The following RAB29 variants were observed in gnomAD, a reference collection of about 807,000 sequenced individuals.
RAB29 encodes the protein RAB29, member RAS oncogene family, also known as ras-related protein Rab-29.
RAB29 carries 13 observed loss-of-function variants against 25.5 expected under a neutral mutation model. The observed-to-expected ratio is 0.51, with a 90% CI of 0.33 to 0.81. The LOEUF (loss-of-function observed/expected upper bound fraction) is 0.81. Ranked by LOEUF, RAB29 falls within the 30% of genes least tolerant of loss-of-function variation. The pLI is 0.02. For synonymous variants in RAB29, 88 were observed against 95.0 expected (o/e 0.93, Z 0.43); for missense variants, 201 against 254.9 (o/e 0.79, Z 1.44).
chr1:205,772,913 G>A (rs1334854489), intron 2 of RAB29, among the ~76,000 whole-genome samples: 1 of 152,066 alleles, frequency 6.6e-6, no homozygotes. Flanking sequence ...TCTCAGGGAA[G>A]GGGTGATGGG....
Position 205,774,970 on chromosome 1 carries a change from T to C in RAB29, c.-14A>G. 6.2e-7 allele frequency: 1 copy of C among 1,613,230 alleles called. No individual in the cohort carries two copies. Among genetic ancestry groups the C allele is most frequent in the South Asian group, 1.1e-5 (1 of 91,072 alleles). ...GCGGCTGCCCATGGCTAGCGGGGTG[T>C]GCGTTTTAGGGAGGCGGGAAGTGTG... On this transcript the variant is annotated 5_prime_UTR_variant, in exon 2 of 6. Coordinates refer to ENST00000367139, the MANE Select transcript of RAB29 (RefSeq NM_003929.3).
chr1:205,771,659 G>C lies in RAB29; in HGVS notation c.197-6C>G. 1 of 1,613,306 alleles carries C rather than the reference G, an allele frequency of 6.2e-7. No homozygotes were observed. Among genetic ancestry groups the C allele is most frequent in the South Asian group, 1.1e-5 (1 of 91,062 alleles). On this transcript the variant is annotated splice_polypyrimidine_tract_variant and splice_region_variant and intron_variant, in intron 3 of 5. Transcript: ENST00000367139. ...AGAGGTGAAGCGCTCCTGCCCTGGGGAGAAAGGGGAGAGTTCTCAAGGTGA... is the reference window on the plus strand; with the variant it reads ...AGAGGTGAAGCGCTCCTGCCCTGGGCAGAAAGGGGAGAGTTCTCAAGGTGA...
chr1:205,772,135 T>G (rs1655061347), intron 3 of RAB29, among the ~76,000 whole-genome samples: 1 of 152,164 alleles, frequency 6.6e-6, no homozygotes, highest in African/African-American at 2.4e-5. Flanking sequence ...AGAAGAATGC[T>G]TGGCACATAG....
rs775933665 is a variant in RAB29 at position 205,771,516 on chromosome 1, G to C, written c.334C>G (p.Leu112Val). ...WKQDLDSKLT[L>V]PNGEPVPCLL... ...CAGGGCACCGGCTCTCCATTGGGTA[G>C]TGTGAGCTTGCTGTCTAGGTCCTGT... Residue 112 changes from leucine to valine, a missense_variant, in exon 4 of 6, where the codon CTA (leucine) becomes GTA (valine). Physicochemically the swap from Leu to Val is conservative, Grantham distance 32. Coordinates refer to ENST00000367139, the MANE Select transcript of RAB29 (RefSeq NM_003929.3). 1 of 1,614,224 alleles carries C rather than the reference G, an allele frequency of 6.2e-7. No individual in the cohort carries two copies. The highest frequency in any genetic ancestry group is 1.7e-5 in the Admixed American group (1 of 60,038).
At position 205,768,407 on chromosome 1, in the gene RAB29, AT is replaced by A. The variant is rs1654816407; in HGVS notation, c.*1934del. Reference sequence around the variant, plus strand: ...TGTATCTTTACAAAGTTCTCCAGCAATGGTTTCCAAACCAGGCTTATCACAA... The same window carrying A: ...TGTATCTTTACAAAGTTCTCCAGCAAGGTTTCCAAACCAGGCTTATCACAA... On this transcript the variant is annotated 3_prime_UTR_variant, in exon 6 of 6. Transcript: ENST00000367139. 1.3e-5 allele frequency: 2 copies of A among 152,222 alleles called. No homozygotes were observed. Among genetic ancestry groups the A allele is most frequent in the Admixed American group, 1.3e-4 (2 of 15,284 alleles). 9.4% of individuals were successfully genotyped at this position (152,222 alleles called of 1,614,324 possible).
At position 205,771,583 on chromosome 1, in the gene RAB29, G is replaced by A. The variant is rs766460493; in HGVS notation, c.267C>T (p.Asp89=). Residue 89 remains aspartate, a synonymous_variant, in exon 4 of 6, where the codon GAC becomes GAT. Coordinates refer to ENST00000367139, the MANE Select transcript of RAB29 (RefSeq NM_003929.3). Reference sequence around the variant, plus strand: ...TGCTGAAGGTAGTGGCATTGGTAACGTCAAACATAATAACACAGGCAGAGG... The same window carrying A: ...TGCTGAAGGTAGTGGCATTGGTAACATCAAACATAATAACACAGGCAGAGG... ...RDASACVIMF[D]VTNATTFSNS... is the part of the protein sequence containing the mutation. The A allele has an allele frequency of 2.1e-5, 34 of 1,613,864 alleles. No individual in the cohort carries two copies. Among genetic ancestry groups the A allele is most frequent in the Middle Eastern group, 1.6e-4 (1 of 6,084 alleles).
rs1213064771 is a variant in RAB29 at position 205,770,448 on chromosome 1, A to C, written c.506T>G (p.Leu169Arg). The C allele has an allele frequency of 6.2e-7, 1 of 1,613,668 alleles. No homozygotes were observed. Among genetic ancestry groups the C allele is most frequent in the Admixed American group, 1.7e-5 (1 of 60,034 alleles). ...NKNINEAMRVLIEKMMRNSTE... is the reference protein window; with the variant it reads ...NKNINEAMRVRIEKMMRNSTE... ...GGAATTTCTCATCATCTTTTCAATG[A>C]GGACTCTAAAAGACAAAAAATAAGC... is the stretch of plus-strand genomic sequence containing the variant. Residue 169 changes from leucine (L) to arginine (R), a missense_variant, in exon 6 of 6, where the codon CTC becomes CGC. Physicochemically the swap from Leu to Arg is moderately radical, Grantham distance 102 (BLOSUM62 -2). Coordinates refer to ENST00000367139, the MANE Select transcript of RAB29 (RefSeq NM_003929.3).
chr1:205,770,697 G>C, intron 5 of RAB29, 36 bp downstream of exon 5: 8 of 1,613,400 alleles, frequency 5.0e-6, no homozygotes, highest in Non-Finnish European at 6.8e-6. Context: ...GTGGAAGATG[G>C]ATACATCTGC....
Position 205,773,077 on chromosome 1 carries a change from G to A in RAB29, c.125-510C>T, listed in dbSNP as rs117726199. On this transcript the variant is annotated intron_variant, in intron 2 of 5. Transcript: ENST00000367139. Reference sequence around the variant, plus strand: ...TGCAGGTATTATCTTGGGCAAGAATGGAATAAATGGAAAAGGTCCCAGAGG... The same window carrying A: ...TGCAGGTATTATCTTGGGCAAGAATAGAATAAATGGAAAAGGTCCCAGAGG... Among the ~76,000 whole-genome samples the A allele has an allele frequency of 3.1e-4, 47 of 152,276 alleles. No homozygotes were observed. In the East Asian group the frequency reaches 8.9e-3, roughly 29 times the overall value.
intron 2 of RAB29, among the ~76,000 whole-genome samples, chr1:205,774,440 A>G (rs1655192734): frequency 6.6e-6 from 1 of 152,162 alleles, no homozygotes; most frequent in South Asian, 2.1e-4. Context: ...GCACCTAACC[A>G]GGAGGCCCCA....
chr1:205,774,809 C>CCCCCCCCCCCCCCCCCCGGG, intron 2 of RAB29, 24 bp downstream of exon 2: 1 of 1,522,338 alleles, frequency 6.6e-7, no homozygotes, highest in Non-Finnish European at 8.9e-7. Context: ...CCCCCTCCCC[C>CCCCCCCCCCCCCCCCCCGGG]TCCCCACCCC....
At chr1:205,774,772 T>C (rs1447777302) in intron 2 of RAB29, 61 bp downstream of exon 2, 4 of 1,528,936 alleles carry the variant, frequency 2.6e-6, no homozygotes, top group African/African-American at 1.4e-5. Flanking sequence ...GGTCCCCAGC[T>C]CGAGTCCGCG....
intron 2 of RAB29, among the ~76,000 whole-genome samples, chr1:205,774,192 G>C (rs1036842535): frequency 6.6e-6 from 1 of 152,216 alleles, no homozygotes; most frequent in Non-Finnish European, 1.5e-5. Context: ...AGAATTCCTT[G>C]GTTACCTTTA....
Position 205,772,525 on chromosome 1 carries a change from A to G in RAB29, c.167T>C (p.Ile56Thr). The change falls in exon 3 of 6, where the codon ATA becomes ACA. Residue 56 changes from isoleucine (I) to threonine (T), a missense_variant. Coordinates refer to ENST00000367139, the MANE Select transcript of RAB29 (RefSeq NM_003929.3). ...LKVLQWSDYE[I>T]VRLQLWDIAG... ...AATATCCCACAGCTGAAGCCGCACT[A>G]TCTCGTAGTCAGACCACTGGAGAAC... is the stretch of plus-strand genomic sequence containing the variant. 1 of 1,613,940 alleles carries G rather than the reference A, an allele frequency of 6.2e-7. No individual in the cohort carries two copies. Among genetic ancestry groups the G allele is most frequent in the Non-Finnish European group, 8.5e-7 (1 of 1,179,948 alleles).
intron 2 of RAB29, among the ~76,000 whole-genome samples, chr1:205,773,482 A>C (rs1236052143): frequency 6.6e-6 from 1 of 152,134 alleles, no homozygotes; most frequent in African/African-American, 2.4e-5. Context: ...AGAGTGTCTG[A>C]AACTTTGAAC....
In RAB29 at chr1:205,769,426, ATTCTTTT is replaced by A. The variant is rs1445029047; in HGVS notation, c.*909_*915del. On this transcript the variant is annotated 3_prime_UTR_variant, in exon 6 of 6. Transcript: ENST00000367139. ...TGAGATAGGTAGTTTAAAAATGACT[ATTCTTTT>A]TTCTTTTTTTTTTGAGACGGAGTCC... is the stretch of plus-strand genomic sequence containing the variant. The A allele has an allele frequency of 6.6e-6, 1 of 151,836 alleles. No individual in the cohort carries two copies. The highest frequency in any genetic ancestry group is 1.5e-5 in the Non-Finnish European group (1 of 67,942). The allele number at this position is 151,836 out of a possible 1,614,324, so 9.4% of individuals were successfully genotyped here.
At chr1:205,773,908 C>T (rs1244932730) in intron 2 of RAB29, among the ~76,000 whole-genome samples, 2 of 152,106 alleles carry the variant, frequency 1.3e-5, no homozygotes, top group Non-Finnish European at 1.5e-5. Context: ...TCAATTTTTC[C>T]ATTGGTACGA....
chr1:205,770,099 A>T lies in RAB29; in HGVS notation c.*243T>A. 1 of 541,666 alleles carries T rather than the reference A, an allele frequency of 1.8e-6. No homozygotes were observed. The highest frequency in any genetic ancestry group is 3.3e-6 in the Non-Finnish European group (1 of 302,298). The allele number at this position is 541,666 out of a possible 1,614,324, so 33.6% of individuals were successfully genotyped here. On this transcript the variant is annotated 3_prime_UTR_variant, in exon 6 of 6. Coordinates refer to ENST00000367139, the MANE Select transcript of RAB29 (RefSeq NM_003929.3). ...GATCACAAATTGAGGGCTGATGAGA[A>T]GATCTTACACCGAAGGCACTAACTG...
chr1:205,772,475 T>G (rs1478414012), intron 3 of RAB29, 21 bp downstream of exon 3: 1 of 1,609,448 alleles, frequency 6.2e-7, no homozygotes, highest in South Asian at 1.1e-5. Context: ...CCCTTGTTCC[T>G]ATCTAGCCCT....
Sources: allele counts gnomAD v4.1 joint callset (sites outside exome capture counted in the v4.1 genomes callset), GRCh38; gene constraint gnomAD v4.1.1; transcripts MANE v1.5; gene names NCBI Gene and HGNC (gene_info 2026-07-23, HGNC 2026-07-21).